RABGAP1L: variants seen among roughly 807,000 people sequenced by gnomAD.
RABGAP1L encodes the protein RAB GTPase activating protein 1 like, also known as rab GTPase-activating protein 1-like.
A neutral mutation model predicts 137.7 loss-of-function variants in RABGAP1L; 63 were observed. The observed-to-expected ratio is 0.46, with a 90% CI of 0.37 to 0.56. RABGAP1L has a LOEUF of 0.56. Among genes scored for constraint, RABGAP1L ranks in the 20% least tolerant of loss-of-function variants. The probability of loss-of-function intolerance (pLI) is 0.00; values close to 1 mark genes in which losing one functional copy is unlikely to be tolerated. For synonymous variants in RABGAP1L, 431 were observed against 433.7 expected, an observed-to-expected ratio of 0.99 and a Z score of 0.08; for missense variants, 1,095 against 1,244.0, an observed-to-expected ratio of 0.88 and a Z score of 1.80.
intron 21 of RABGAP1L, among the ~76,000 whole-genome samples, chr1:174,969,615 G>A (rs1669960961): frequency 6.6e-6 from 1 of 152,182 alleles, no homozygotes; most frequent in Non-Finnish European, 1.5e-5. Context: ...TCTAAACTCT[G>A]TTATGTCTTT....
chr1:174,741,600 A>C (rs916325688), intron 17 of RABGAP1L, among the ~76,000 whole-genome samples: 2 of 151,920 alleles, frequency 1.3e-5, no homozygotes, highest in African/African-American at 4.8e-5. Flanking sequence ...GGGTTCAAGC[A>C]ATCCTCCTGC....
chr1:174,802,221 T>C (rs1688822252), intron 18 of RABGAP1L, among the ~76,000 whole-genome samples: 1 of 152,196 alleles, frequency 6.6e-6, no homozygotes, highest in African/African-American at 2.4e-5. Context: ...ATTAGGCATC[T>C]GAAGTAGTGC....
At chr1:174,287,281 G>T (rs977922098) in intron 10 of RABGAP1L, among the ~76,000 whole-genome samples, 1 of 152,050 alleles carries the variant, frequency 6.6e-6, no homozygotes, top group African/African-American at 2.4e-5. Context: ...ATTATATAAT[G>T]ATCTTCTTTG....
intron 6 of RABGAP1L, among the ~76,000 whole-genome samples, chr1:174,251,920 A>G (rs1419025088): frequency 8.8e-5 from 13 of 148,260 alleles, no homozygotes; most frequent in African/African-American, 3.2e-4. Flanking sequence ...TTTTGGAGAT[A>G]GAGTCTTGCT....
intron 13 of RABGAP1L, among the ~76,000 whole-genome samples, chr1:174,609,819 ATCTTTTGTACT>A (rs950700244): frequency 2.0e-4 from 30 of 152,164 alleles, no homozygotes; most frequent in African/African-American, 6.5e-4. Context: ...ATGTATCTTT[ATCTTTTGTACT>A]TCTTTTCATA....
intron 13 of RABGAP1L, among the ~76,000 whole-genome samples, chr1:174,617,323 G>A (rs990091813): frequency 1.5e-4 from 23 of 152,232 alleles, no homozygotes; most frequent in African/African-American, 4.3e-4. Flanking sequence ...TGACCCTCTC[G>A]AATAGTGAAA....
intron 19 of RABGAP1L, among the ~76,000 whole-genome samples, chr1:174,814,637 G>A (rs992832439): frequency 6.6e-6 from 1 of 151,784 alleles, no homozygotes; most frequent in Non-Finnish European, 1.5e-5. Flanking sequence ...ACACATAACT[G>A]AAGAGATACT....
chr1:174,811,222 G>A (rs1029101847), intron 18 of RABGAP1L, among the ~76,000 whole-genome samples: 1 of 152,178 alleles, frequency 6.6e-6, no homozygotes, highest in African/African-American at 2.4e-5. Flanking sequence ...AGTTTTTGAA[G>A]AAGTAAATTT....
chr1:174,951,781 C>A (rs139040982), intron 19 of RABGAP1L, among the ~76,000 whole-genome samples: 8 of 151,956 alleles, frequency 5.3e-5, no homozygotes, highest in Admixed American at 2.6e-4. Flanking sequence ...CCAGGGATGC[C>A]ATGGGCTCAG....
intron 19 of RABGAP1L, among the ~76,000 whole-genome samples, chr1:174,837,615 A>G (rs1692903586): frequency 6.6e-6 from 1 of 152,202 alleles, no homozygotes; most frequent in African/African-American, 2.4e-5. Flanking sequence ...TGGGCAAACA[A>G]ATGCTATGCC....
intron 19 of RABGAP1L, among the ~76,000 whole-genome samples, chr1:174,855,930 T>C (rs1420349452): frequency 6.6e-6 from 1 of 152,218 alleles, no homozygotes; most frequent in African/African-American, 2.4e-5. Flanking sequence ...CTTAGCAACT[T>C]GTGTGTTCTC....
At chr1:174,754,772 G>A (rs1431258791) in intron 18 of RABGAP1L, among the ~76,000 whole-genome samples, 1 of 152,136 alleles carries the variant, frequency 6.6e-6, no homozygotes, top group Non-Finnish European at 1.5e-5. Flanking sequence ...AAAGCACTGG[G>A]ATTATAGGTG....
intron 11 of RABGAP1L, among the ~76,000 whole-genome samples, chr1:174,366,219 TG>T (rs1369240546): frequency 2.6e-5 from 4 of 152,350 alleles, no homozygotes; most frequent in Admixed American, 1.3e-4. Context: ...GAATTATTTG[TG>T]GACACTAGAC....
intron 11 of RABGAP1L, among the ~76,000 whole-genome samples, chr1:174,316,641 G>T (rs1045463628): frequency 2.6e-5 from 4 of 152,068 alleles, no homozygotes; most frequent in African/African-American, 9.7e-5. Context: ...GTCTCTCTCT[G>T]TCACCACTCC....
intron 11 of RABGAP1L, among the ~76,000 whole-genome samples, chr1:174,327,506 A>C (rs1680541987): frequency 6.6e-6 from 1 of 152,038 alleles, no homozygotes; most frequent in African/African-American, 2.4e-5. Flanking sequence ...AATACAATAC[A>C]AATAAAAAGT....
chr1:174,341,645 A>C (rs1681981703), intron 11 of RABGAP1L, among the ~76,000 whole-genome samples: 1 of 152,178 alleles, frequency 6.6e-6, no homozygotes, highest in Non-Finnish European at 1.5e-5. Flanking sequence ...TTTTCTACTT[A>C]ATGTAATTCA....
Position 174,811,969 on chromosome 1 carries a change from A to T in RABGAP1L, c.2340+9A>T. 1 of 1,577,716 alleles carries T rather than the reference A, an allele frequency of 6.3e-7. No homozygotes were observed. Among genetic ancestry groups the T allele is most frequent in the Non-Finnish European group, 8.6e-7 (1 of 1,165,854 alleles). On this transcript the variant is annotated intron_variant, in intron 19 of 25. Transcript: ENST00000681986. ...AGGCTTGCAATATTAAAGTAAGAACATGAGTTTTTATATAATAAAGGTAAA... is the reference window on the plus strand; with the variant it reads ...AGGCTTGCAATATTAAAGTAAGAACTTGAGTTTTTATATAATAAAGGTAAA...
At chr1:174,485,124 G>T (rs997616667) in intron 13 of RABGAP1L, among the ~76,000 whole-genome samples, 1 of 152,074 alleles carries the variant, frequency 6.6e-6, no homozygotes. Context: ...TTGTAAATAG[G>T]ATTACTTTTT....
chr1:174,472,356 G>A (rs1008360060), intron 13 of RABGAP1L, among the ~76,000 whole-genome samples: 1 of 152,152 alleles, frequency 6.6e-6, no homozygotes, highest in African/African-American at 2.4e-5. Flanking sequence ...TGGGGACAAA[G>A]GATGATGTAT....
Sources: allele counts gnomAD v4.1 joint callset (sites outside exome capture counted in the v4.1 genomes callset), GRCh38; gene constraint gnomAD v4.1.1; transcripts MANE v1.5; gene names NCBI Gene and HGNC (gene_info 2026-07-23, HGNC 2026-07-21).